Variants in ATP8B4 observed in about 807,000 individuals in gnomAD.
ATP8B4 encodes ATPase phospholipid transporting 8B4 (putative), also known as probable phospholipid-transporting ATPase IM.
In ATP8B4, 133 loss-of-function variants were observed where a neutral mutation model predicts 145.6. The observed-to-expected ratio is 0.91, with a 90% CI of 0.79 to 1.05. ATP8B4 has a LOEUF of 1.05. Among genes scored for constraint, ATP8B4 ranks in the 50% least tolerant of loss-of-function variants. The pLI, the probability that ATP8B4 is intolerant of heterozygous loss-of-function variation, is 0.00. For synonymous variants in ATP8B4, 507 were observed against 492.9 expected, an observed-to-expected ratio of 1.03 and a Z score of -0.38; for missense variants, 1,458 against 1,425.2, an observed-to-expected ratio of 1.02 and a Z score of -0.37.
At chr15:49,984,513 T>A (rs1372515545) in intron 10 of ATP8B4, among the ~76,000 whole-genome samples, 1 of 152,132 alleles carries the variant, frequency 6.6e-6, no homozygotes, top group Non-Finnish European at 1.5e-5. Context: ...AGGGAAGGAA[T>A]GGCTACTGGA....
intron 20 of ATP8B4, among the ~76,000 whole-genome samples, chr15:49,915,159 A>C (rs2039611264): frequency 6.6e-6 from 1 of 152,146 alleles, no homozygotes; most frequent in African/African-American, 2.4e-5. Context: ...CTACCATTTT[A>C]AGCAACATGA....
intron 3 of ATP8B4, among the ~76,000 whole-genome samples, chr15:50,053,006 G>T (rs778575307): frequency 6.6e-6 from 1 of 152,274 alleles, no homozygotes; most frequent in South Asian, 2.1e-4. Context: ...CACAAGAATA[G>T]ATATGAAAAG....
chr15:49,890,410 T>C (rs1160405547), intron 23 of ATP8B4, among the ~76,000 whole-genome samples: 1 of 152,074 alleles, frequency 6.6e-6, no homozygotes, highest in South Asian at 2.1e-4. Flanking sequence ...GTTAAAGCAG[T>C]TTAGGAGAGG....
In ATP8B4 at chr15:50,102,541, C is replaced by T. The variant is rs531228127; in HGVS notation, c.28+4398G>A. On this transcript the variant is annotated intron_variant, in intron 2 of 27. Coordinates refer to ENST00000284509, the MANE Select transcript of ATP8B4 (RefSeq NM_024837.4). ...AATATACAACCCTCCTAGATTAAAC[C>T]GGGAACAAACAGAAACTCTGAACAG... Among the ~76,000 whole-genome samples the T allele has an allele frequency of 3.3e-5, 5 of 151,938 alleles. No individual in the cohort carries two copies. In the South Asian group the frequency reaches 6.2e-4, roughly 19 times the overall value.
At chr15:49,945,920 T>C (rs964128091) in intron 14 of ATP8B4, among the ~76,000 whole-genome samples, 8 of 152,168 alleles carry the variant, frequency 5.3e-5, no homozygotes, top group African/African-American at 1.9e-4. Flanking sequence ...ACTGAAAGCT[T>C]TTTCTGTAAA....
intron 2 of ATP8B4, among the ~76,000 whole-genome samples, chr15:50,076,083 G>A (rs1405282585): frequency 1.3e-5 from 2 of 152,142 alleles, no homozygotes; most frequent in African/African-American, 4.8e-5. Context: ...ACATTCAGAT[G>A]ATGATCCTTC....
chr15:49,898,319 A>C (rs2037643066), intron 21 of ATP8B4, 68 bp from the exon 22 acceptor site: 1 of 1,464,546 alleles, frequency 6.8e-7, no homozygotes, highest in Non-Finnish European at 9.3e-7. Flanking sequence ...AAACAAGACA[A>C]ATGTTTTGTT....
chr15:50,082,300 C>A (rs905904998), intron 2 of ATP8B4, among the ~76,000 whole-genome samples: 3 of 152,116 alleles, frequency 2.0e-5, no homozygotes, highest in Non-Finnish European at 4.4e-5. Context: ...TTGGGGTTTC[C>A]TATTGAAACC....
upstream of ATP8B4, among the ~76,000 whole-genome samples, chr15:50,120,587 T>A (rs2057258652): frequency 1.3e-5 from 2 of 152,188 alleles, no homozygotes; most frequent in African/African-American, 4.8e-5. Flanking sequence ...AGTATAGTAG[T>A]GCCTATCAAG....
intron 1 of ATP8B4, among the ~76,000 whole-genome samples, chr15:50,135,048 C>G (rs2044102889): frequency 6.6e-6 from 1 of 152,200 alleles, no homozygotes; most frequent in Admixed American, 6.5e-5. Flanking sequence ...TCTGAATGTT[C>G]AAGTGGGTTG....
intron 16 of ATP8B4, among the ~76,000 whole-genome samples, chr15:49,928,201 T>C (rs7175764): frequency 0.24 from 37,126 of 152,078 alleles, 5,224 homozygotes; most frequent in Non-Finnish European, 0.31. Context: ...TGTCATGGAA[T>C]TAATACCACA....
chr15:50,148,004 A>G (rs2044301104), intron 1 of ATP8B4, among the ~76,000 whole-genome samples: 1 of 152,248 alleles, frequency 6.6e-6, no homozygotes, highest in African/African-American at 2.4e-5. Context: ...TTTCCAATGC[A>G]TCTAGCAGTT....
Position 50,029,255 on chromosome 15 carries a change from A to AAAAAAAAAAAAAAAAAAAAAAAAAC in ATP8B4, c.362+9512_362+9513insGTTTTTTTTTTTTTTTTTTTTTTTT, listed in dbSNP as rs776952913. Among the ~76,000 whole-genome samples, 121 of 141,188 alleles carry AAAAAAAAAAAAAAAAAAAAAAAAAC rather than the reference A, an allele frequency of 8.6e-4. 5 individuals are homozygous for AAAAAAAAAAAAAAAAAAAAAAAAAC. Among genetic ancestry groups the AAAAAAAAAAAAAAAAAAAAAAAAAC allele is most frequent in the Non-Finnish European group, 1.4e-3 (86 of 62,200 alleles). 92.6% of individuals were successfully genotyped at this position (141,188 alleles called of 152,430 possible). On this transcript the variant is annotated intron_variant, in intron 6 of 27. Coordinates refer to ENST00000284509, the MANE Select transcript of ATP8B4 (RefSeq NM_024837.4). ...CTCCATCTTAAAAAAAAAAAAAAAA[A>AAAAAAAAAAAAAAAAAAAAAAAAAC]AACAGAAAAATACAGCAGAATTTTA...
chr15:50,106,737 T>C (rs996109304), intron 2 of ATP8B4, among the ~76,000 whole-genome samples: 1 of 152,184 alleles, frequency 6.6e-6, no homozygotes, highest in South Asian at 2.1e-4. Context: ...ACAAGGGAAC[T>C]TTCTGGGGTG....
chr15:49,931,841 T>C (rs936707405), intron 15 of ATP8B4, among the ~76,000 whole-genome samples: 15 of 152,018 alleles, frequency 9.9e-5, no homozygotes, highest in African/African-American at 3.6e-4. Flanking sequence ...CTAATGACCA[T>C]TTTATGAGAA....
At chr15:50,081,454 T>A (rs550990296) in intron 2 of ATP8B4, among the ~76,000 whole-genome samples, 15 of 152,338 alleles carry the variant, frequency 9.8e-5, no homozygotes, top group South Asian at 4.1e-4. Context: ...GTAATTTTTT[T>A]AATATTTTCA....
intron 3 of ATP8B4, among the ~76,000 whole-genome samples, chr15:50,053,395 C>T (rs1469516013): frequency 6.6e-6 from 1 of 152,220 alleles, no homozygotes; most frequent in African/African-American, 2.4e-5. Flanking sequence ...GCAGTTATCT[C>T]TTCTGCTTTC....
intron 25 of ATP8B4, among the ~76,000 whole-genome samples, chr15:49,869,263 TAA>T (rs71424035): frequency 1.1e-4 from 16 of 149,944 alleles, no homozygotes; most frequent in Non-Finnish European, 2.1e-4. Context: ...ATGAAAAAGT[TAA>T]AAAAAAAATT....
chr15:49,941,445 C>G (rs983108824), intron 14 of ATP8B4, among the ~76,000 whole-genome samples: 5 of 152,254 alleles, frequency 3.3e-5, no homozygotes, highest in Admixed American at 6.5e-5. Flanking sequence ...ATACAAAATC[C>G]TGAACCAGAA....
Sources: allele counts gnomAD v4.1 joint callset (sites outside exome capture counted in the v4.1 genomes callset), GRCh38; gene constraint gnomAD v4.1.1; transcripts MANE v1.5; gene names NCBI Gene and HGNC (gene_info 2026-07-23, HGNC 2026-07-21).